The following ALS2 variants were observed in gnomAD, a reference collection of about 807,000 sequenced individuals.
ALS2 encodes alsin Rho guanine nucleotide exchange factor ALS2.
Under a neutral mutation model 203.4 loss-of-function variants are expected in ALS2, and 117 were observed. The ratio of observed to expected loss-of-function variants is 0.58; its 90% CI spans 0.50 to 0.67. The LOEUF (loss-of-function observed/expected upper bound fraction) is 0.67, where lower values mean the gene tolerates loss of function less well. Among genes scored for constraint, ALS2 ranks in the 30% least tolerant of loss-of-function variants. The pLI, the probability that ALS2 is intolerant of heterozygous loss-of-function variation, is 0.00. For missense variants in ALS2, 1,715 were observed against 1,989.4 expected, an observed-to-expected ratio of 0.86 and a Z score of 2.62; for synonymous variants, 718 against 725.9, an observed-to-expected ratio of 0.99 and a Z score of 0.17.
At chr2:201,722,033 C>A (rs1292356512) in intron 23 of ALS2, 1 of 152,102 alleles carries the variant, frequency 6.6e-6, no homozygotes, top group Non-Finnish European at 1.5e-5. Context: ...AAAAACTTTT[C>A]TATTTCAAAA....
chr2:201,741,959 C>T (rs1692300143), intron 10 of ALS2, 105 bp from the exon 11 acceptor site: 1 of 1,057,696 alleles, frequency 9.5e-7, no homozygotes, highest in Middle Eastern at 2.1e-4. Flanking sequence ...TAACCTGTTG[C>T]CATGTGCTCT....
rs41309050 is a variant in ALS2 at position 201,723,351 on chromosome 2, G to T, written c.3603C>A (p.Asn1201Lys). Residue 1201 changes from asparagine (N) to lysine (K), a missense_variant, in exon 22 of 34, where the codon AAC (asparagine) becomes AAA (lysine). Transcript: ENST00000264276. ...TCACCATCATTTTATTAAGGTGAAA[G>T]TTGCCCTCGTAGTATAATCCAAACT... ...VTQFGLYYEG[N>K]FHLNKMMGNG... 2 of 1,612,606 alleles carry T rather than the reference G, an allele frequency of 1.2e-6. No homozygotes were observed. The highest frequency in any genetic ancestry group is 1.7e-6 in the Non-Finnish European group (2 of 1,178,654).
At chr2:201,757,271 T>C in intron 5 of ALS2, 131 bp downstream of exon 5, 1 of 798,202 alleles carries the variant, frequency 1.3e-6, no homozygotes, top group Non-Finnish European at 2.1e-6. Flanking sequence ...AAAACCACCA[T>C]TAAATAAATA....
In ALS2 at chr2:201,726,700, T is replaced by C. The variant is rs2106006441; in HGVS notation, c.3146A>G (p.Tyr1049Cys). 1 of 1,614,178 alleles carries C rather than the reference T, an allele frequency of 6.2e-7. No homozygotes were observed. The highest frequency in any genetic ancestry group is 8.5e-7 in the Non-Finnish European group (1 of 1,180,022). Residue 1049 changes from tyrosine to cysteine, a missense_variant, in exon 18 of 34, where the codon TAT (tyrosine) becomes TGT (cysteine). Physicochemically the swap from Tyr to Cys is radical, Grantham distance 194. Around this residue, in one of 3 missense-constraint regions of ALS2, gnomAD observed 1,227 missense variants for 1,413.5 expected, o/e 0.87. Transcript: ENST00000264276. ...CTTCCCTGAAAGCCAGCGTCCATCA[T>C]AGGTGGCATCCTTTAGGCGAGGATC... The part of the protein sequence containing the change: ...YKDPRLKDAT[Y>C]DGRWLSGKPH...
Position 201,725,380 on chromosome 2 carries a change from T to C in ALS2, c.3323A>G (p.Lys1108Arg), listed in dbSNP as rs751597689. 1.2e-6 allele frequency: 2 copies of C among 1,613,984 alleles called. No homozygotes were observed. Among genetic ancestry groups the C allele is most frequent in the African/African-American group, 2.7e-5 (2 of 74,930 alleles). Residue 1108 changes from lysine (K) to arginine (R), a missense_variant, in exon 20 of 34, where the codon AAA (lysine) becomes AGA (arginine). Around this residue, in one of 3 missense-constraint regions of ALS2, gnomAD observed 1,227 missense variants for 1,413.5 expected, o/e 0.87. Transcript: ENST00000264276. ...CCTGTAGACTCCTTGACCGCACATT[T>C]TTCCTTCTTTCCAATGGCCCACATA... is the stretch of plus-strand genomic sequence containing the variant. ...DHYVGHWKEG[K>R]MCGQGVYSYA...
intron 13 of ALS2, among the ~76,000 whole-genome samples, chr2:201,729,638 T>C (rs182271131): frequency 3.9e-4 from 59 of 152,210 alleles, no homozygotes; most frequent in African/African-American, 1.3e-3. Context: ...CCCAGCACTT[T>C]GGGAGGCCGA....
At chr2:201,756,057 G>A (rs72924801) in intron 5 of ALS2, among the ~76,000 whole-genome samples, 126 of 152,196 alleles carry the variant, frequency 8.3e-4, no homozygotes, top group Middle Eastern at 6.8e-3. Context: ...GGGGAAAAGA[G>A]TACATGTAAA....
chr2:201,726,458 T>C, intron 19 of ALS2, 26 bp downstream of exon 19: 2 of 1,592,974 alleles, frequency 1.3e-6, no homozygotes, highest in Non-Finnish European at 1.7e-6. Context: ...TTGAATTTAC[T>C]GTCATGTTTT....
At chr2:201,722,864 G>T in intron 23 of ALS2, 179 bp downstream of exon 23, 1 of 598,634 alleles carries the variant, frequency 1.7e-6, no homozygotes, top group Non-Finnish European at 2.9e-6. Context: ...CTTGGGCGAT[G>T]GAAATGTTCT....
rs56953805 is a variant in ALS2 at position 201,705,765 on chromosome 2, T to TA, written c.4581-305dup. ...CACTGAAAACAATTAAAGCACAAAATAAAAAAAAAGCACAAAAATAAGAAA... is the reference window on the plus strand; with the variant it reads ...CACTGAAAACAATTAAAGCACAAAATAAAAAAAAAAGCACAAAAATAAGAAA... On this transcript the variant is annotated intron_variant, in intron 29 of 33. Coordinates refer to ENST00000264276, the MANE Select transcript of ALS2 (RefSeq NM_020919.4). Among the ~76,000 whole-genome samples the TA allele has an allele frequency of 0.077, 11,671 of 150,680 alleles. 489 individuals are homozygous for TA. The highest frequency in any genetic ancestry group is 0.11 in the African/African-American group (4,384 of 41,098).
chr2:201,705,065 G>A (rs1401496745), intron 31 of ALS2, 74 bp downstream of exon 31: 1 of 1,415,502 alleles, frequency 7.1e-7, no homozygotes, highest in Admixed American at 1.7e-5. Context: ...GTAAAGATAA[G>A]ATCATATTAA....
intron 30 of ALS2, 30 bp from the exon 31 acceptor site, chr2:201,705,230 G>A (rs373915489): frequency 7.7e-5 from 123 of 1,607,192 alleles, no homozygotes; most frequent in Non-Finnish European, 9.5e-5. Flanking sequence ...GGTCAAGGAG[G>A]AAAACTATTT....
At chr2:201,738,560 T>C in intron 12 of ALS2, 110 bp downstream of exon 12, 1 of 1,039,528 alleles carries the variant, frequency 9.6e-7, no homozygotes, top group Non-Finnish European at 1.5e-6. Flanking sequence ...TTTTGACTTG[T>C]TTGGTAAAAT....
At chr2:201,748,734 G>A (rs769663223) in intron 8 of ALS2, among the ~76,000 whole-genome samples, 4 of 152,286 alleles carry the variant, frequency 2.6e-5, no homozygotes, top group Admixed American at 6.5e-5. Flanking sequence ...GGAGCTAGAA[G>A]TAATAATTGT....
At chr2:201,778,110 G>T (rs1694737742) in intron 1 of ALS2, among the ~76,000 whole-genome samples, 1 of 152,116 alleles carries the variant, frequency 6.6e-6, no homozygotes, top group African/African-American at 2.4e-5. Flanking sequence ...TGGAGTGAAT[G>T]TTAGCCCACC....
chr2:201,707,967 T>C lies in ALS2; in HGVS notation c.4305A>G (p.Glu1435=). The C allele has an allele frequency of 6.2e-7, 1 of 1,612,868 alleles. No individual in the cohort carries two copies. The highest frequency in any genetic ancestry group is 8.5e-7 in the Non-Finnish European group (1 of 1,179,156). Residue 1435 remains glutamate (E), a synonymous_variant, in exon 28 of 34, where the codon GAA becomes GAG. Coordinates refer to ENST00000264276, the MANE Select transcript of ALS2 (RefSeq NM_020919.4). ...LVRFLFPELP[E]EGSTIPLSAP... is the part of the protein sequence containing the mutation. ...CAGAGAGAGGAATTGTGCTGCCTTC[T>C]TCAGGCAGCTCAGGAAATAAGAACC...
rs1690803163 is a variant in ALS2 at position 201,721,672 on chromosome 2, A to T, written c.3702+1371T>A. Among the ~76,000 whole-genome samples, 5 of 150,464 alleles carry T rather than the reference A, an allele frequency of 3.3e-5. No individual in the cohort carries two copies. The South Asian group carries it at 1.0e-3, about 32-fold the overall frequency. On this transcript the variant is annotated intron_variant, in intron 23 of 33. Coordinates refer to ENST00000264276, the MANE Select transcript of ALS2 (RefSeq NM_020919.4). ...TAAAAGGCAAAACTATAAAACTTTCATTTTTTTTTTAGACGGAGTCTCGCT... is the reference window on the plus strand; with the variant it reads ...TAAAAGGCAAAACTATAAAACTTTCTTTTTTTTTTTAGACGGAGTCTCGCT...
chr2:201,730,269 C>T (rs1234243597), intron 13 of ALS2, among the ~76,000 whole-genome samples: 1 of 152,140 alleles, frequency 6.6e-6, no homozygotes, highest in Admixed American at 6.5e-5. Flanking sequence ...GGGTCTTTTA[C>T]CATCTATGGC....
At chr2:201,736,628 C>T (rs749939787) in intron 12 of ALS2, among the ~76,000 whole-genome samples, 2 of 151,154 alleles carry the variant, frequency 1.3e-5, no homozygotes, top group African/African-American at 2.4e-5. Flanking sequence ...TTTTTAAAAG[C>T]GAAAGAAATG....
Sources: allele counts gnomAD v4.1 joint callset (sites outside exome capture counted in the v4.1 genomes callset), GRCh38; gene constraint gnomAD v4.1.1; regional missense constraint gnomAD v4.1.1; transcripts MANE v1.5; gene names NCBI Gene and HGNC (gene_info 2026-07-23, HGNC 2026-07-21).